Variants in CNTNAP5 observed in about 807,000 individuals in gnomAD.
The protein encoded by CNTNAP5 is contactin associated protein family member 5.
In CNTNAP5, 72 loss-of-function variants were observed where a neutral mutation model predicts 150.2. The ratio of observed to expected loss-of-function variants is 0.48; its 90% CI spans 0.40 to 0.58. The LOEUF (loss-of-function observed/expected upper bound fraction) is 0.58. CNTNAP5 is among the 20% of genes least tolerant of loss of function. The pLI is 0.00. For missense variants in CNTNAP5, 1,636 were observed against 1,626.2 expected, an observed-to-expected ratio of 1.01 and a Z score of -0.10; for synonymous variants, 672 against 619.8, an observed-to-expected ratio of 1.08 and a Z score of -1.25.
chr2:124,885,549 TCACACACACACACACACA>T (rs3980831), intron 21 of CNTNAP5, among the ~76,000 whole-genome samples: 1 of 145,262 alleles, frequency 6.9e-6, no homozygotes, highest in Non-Finnish European at 1.5e-5. Flanking sequence ...AACATTTTCA[TCACACACACACACACACA>T]CACACACACA....
chr2:124,908,130 T>C (rs775335831), intron 22 of CNTNAP5, among the ~76,000 whole-genome samples: 15 of 151,980 alleles, frequency 9.9e-5, no homozygotes, highest in Non-Finnish European at 2.1e-4. Flanking sequence ...CCCAGCACTT[T>C]GGGAGGCCAA....
intron 13 of CNTNAP5, among the ~76,000 whole-genome samples, chr2:124,689,045 A>T (rs1461642898): frequency 1.3e-5 from 2 of 152,138 alleles, no homozygotes; most frequent in Non-Finnish European, 2.9e-5. Flanking sequence ...TTAAATGAAC[A>T]CAACAACCCC....
intron 10 of CNTNAP5, among the ~76,000 whole-genome samples, chr2:124,530,465 G>A (rs1215864033): frequency 1.3e-5 from 2 of 152,134 alleles, no homozygotes. Context: ...CTGCTTCCCA[G>A]TTTGCACTAT....
At chr2:124,593,381 C>G (rs550673562) in intron 11 of CNTNAP5, among the ~76,000 whole-genome samples, 1 of 110,452 alleles carries the variant, frequency 9.1e-6, no homozygotes, top group East Asian at 2.9e-4. Context: ...TGAGAATATG[C>G]GGTGTTTGGT....
chr2:124,252,873 A>G (rs982653973), intron 3 of CNTNAP5, among the ~76,000 whole-genome samples: 1 of 152,154 alleles, frequency 6.6e-6, no homozygotes, highest in Non-Finnish European at 1.5e-5. Flanking sequence ...AATTGAAACC[A>G]TACACATGGA....
intron 3 of CNTNAP5, among the ~76,000 whole-genome samples, chr2:124,363,522 T>A (rs2104718316): frequency 6.6e-6 from 1 of 152,322 alleles, no homozygotes; most frequent in East Asian, 1.9e-4. Context: ...ATATTACTTT[T>A]TTCTCTTTTT....
intron 1 of CNTNAP5, among the ~76,000 whole-genome samples, chr2:124,070,743 A>C (rs757505946): frequency 2.6e-4 from 40 of 152,198 alleles, no homozygotes; most frequent in Middle Eastern, 3.4e-3. Flanking sequence ...CTTCAATACA[A>C]TAAGAGATGG....
intron 8 of CNTNAP5, among the ~76,000 whole-genome samples, chr2:124,522,957 A>C (rs1461437685): frequency 6.6e-6 from 1 of 152,150 alleles, no homozygotes; most frequent in Admixed American, 6.5e-5. Context: ...TTCCACCCAG[A>C]ATTGCAAGAG....
chr2:124,374,708 C>G (rs1690604696), intron 3 of CNTNAP5, among the ~76,000 whole-genome samples: 1 of 152,044 alleles, frequency 6.6e-6, no homozygotes, highest in Non-Finnish European at 1.5e-5. Flanking sequence ...TAGGAATGAC[C>G]ACACCTAGTG....
At chr2:124,427,449 T>A (rs1454495998) in intron 4 of CNTNAP5, among the ~76,000 whole-genome samples, 4 of 152,058 alleles carry the variant, frequency 2.6e-5, no homozygotes, top group African/African-American at 4.8e-5. Flanking sequence ...ATTTTGTTTT[T>A]TTATTATTAT....
chr2:124,895,907 C>T (rs1678294603), intron 21 of CNTNAP5, among the ~76,000 whole-genome samples: 1 of 151,528 alleles, frequency 6.6e-6, no homozygotes, highest in Non-Finnish European at 1.5e-5. Context: ...AGGAGCCTGT[C>T]ATACAATGCT....
chr2:124,655,919 C>T (rs1360476817), intron 13 of CNTNAP5, among the ~76,000 whole-genome samples: 1 of 75,112 alleles, frequency 1.3e-5, no homozygotes, highest in Non-Finnish European at 2.5e-5. Flanking sequence ...GAAAGAAAGA[C>T]AGAAAGAGAG....
At chr2:124,540,120 T>A (rs1329356816) in intron 10 of CNTNAP5, among the ~76,000 whole-genome samples, 1 of 152,232 alleles carries the variant, frequency 6.6e-6, no homozygotes, top group Non-Finnish European at 1.5e-5. Flanking sequence ...GTGTGAGGTC[T>A]AGTACATCCA....
chr2:124,149,509 C>T (rs1372388150), intron 1 of CNTNAP5, among the ~76,000 whole-genome samples: 1 of 150,744 alleles, frequency 6.6e-6, no homozygotes, highest in East Asian at 2.0e-4. Context: ...GTTGCATTAT[C>T]TGTATTCAGA....
chr2:124,338,834 A>AT (rs1689538788), intron 3 of CNTNAP5, among the ~76,000 whole-genome samples: 1 of 152,086 alleles, frequency 6.6e-6, no homozygotes, highest in African/African-American at 2.4e-5. Context: ...ACTTTGGGAT[A>AT]TTTTTCACTG....
chr2:124,054,692 T>C (rs1271538907), intron 1 of CNTNAP5, among the ~76,000 whole-genome samples: 2 of 152,236 alleles, frequency 1.3e-5, no homozygotes, highest in Non-Finnish European at 2.9e-5. Flanking sequence ...CCATGATTAC[T>C]CTTTTCATAA....
intron 2 of CNTNAP5, among the ~76,000 whole-genome samples, chr2:124,239,706 T>A (rs1257742685): frequency 6.6e-6 from 1 of 151,128 alleles, no homozygotes; most frequent in Non-Finnish European, 1.5e-5. Context: ...TTTTTTTTTT[T>A]ACTGAGAAAG....
chr2:124,639,465 G>T (rs919279827), intron 12 of CNTNAP5, among the ~76,000 whole-genome samples: 11 of 152,054 alleles, frequency 7.2e-5, no homozygotes, highest in Non-Finnish European at 1.3e-4. Context: ...TAGAGAAGGC[G>T]TCTCTTCTTT....
chr2:124,563,130 G>A, intron 10 of CNTNAP5, 87 bp from the exon 11 acceptor site: 1 of 761,248 alleles, frequency 1.3e-6, no homozygotes, highest in Non-Finnish European at 2.3e-6. Flanking sequence ...TATTAATTGA[G>A]GCAGTTGGAT....
Sources: allele counts gnomAD v4.1 joint callset (sites outside exome capture counted in the v4.1 genomes callset), GRCh38; gene constraint gnomAD v4.1.1; transcripts MANE v1.5; gene names NCBI Gene and HGNC (gene_info 2026-07-23, HGNC 2026-07-21).